The following STK32C variants were observed in gnomAD, a reference collection of about 807,000 sequenced individuals.
The protein encoded by STK32C is serine/threonine-protein kinase 32C.
STK32C carries 31 observed loss-of-function variants against 56.5 expected under a neutral mutation model. The observed-to-expected ratio is 0.55, with a 90% confidence interval of 0.41 to 0.74. STK32C has a LOEUF of 0.74. Among genes scored for constraint, STK32C ranks in the 30% least tolerant of loss-of-function variants. The pLI is 0.00. For missense variants in STK32C, 544 were observed against 676.9 expected (o/e 0.80, Z 2.18); for synonymous variants, 309 against 289.4 (o/e 1.07, Z -0.69).
chr10:132,274,038 C>G (rs114558683), intron 1 of STK32C, among the ~76,000 whole-genome samples: 1,889 of 152,322 alleles, frequency 0.012, 40 homozygotes, highest in African/African-American at 0.044. Flanking sequence ...GGGAGGTGCA[C>G]ATCGACTTAA....
chr10:132,279,690 A>ACT (rs1303542518), intron 1 of STK32C, among the ~76,000 whole-genome samples: 1 of 143,584 alleles, frequency 7.0e-6, no homozygotes, highest in Non-Finnish European at 1.5e-5. Context: ...TGATCACGAC[A>ACT]CTCCACTCCG....
intron 1 of STK32C, among the ~76,000 whole-genome samples, chr10:132,251,172 G>A (rs77904469): frequency 0.027 from 4,048 of 152,302 alleles, 74 homozygotes; most frequent in Middle Eastern, 0.058. Flanking sequence ...AACAGCAGGG[G>A]TGACCCCAGC....
chr10:132,295,307 T>C (rs1564786611), intron 1 of STK32C, among the ~76,000 whole-genome samples: 2 of 152,150 alleles, frequency 1.3e-5, no homozygotes, highest in South Asian at 2.1e-4. Context: ...TGGCCAGTTC[T>C]AGGGCTGGGT....
intron 1 of STK32C, among the ~76,000 whole-genome samples, chr10:132,271,864 G>A (rs1026247625): frequency 1.3e-5 from 2 of 152,240 alleles, no homozygotes; most frequent in African/African-American, 4.8e-5. Context: ...CAGAGCCACG[G>A]CCCTGCCCCT....
At position 132,208,164 on chromosome 10, in the gene STK32C, G is replaced by A. The variant is rs376993699; in HGVS notation, c.1320-13C>T. The A allele has an allele frequency of 1.6e-5, 21 of 1,309,094 alleles. No homozygotes were observed. Among genetic ancestry groups the A allele is most frequent in the Non-Finnish European group, 2.0e-5 (20 of 1,020,812 alleles). The allele number at this position is 1,309,094 out of a possible 1,614,324, so 81.1% of individuals were successfully genotyped here. ...GCTCCTCTTCAGCCTGGGGTGGCAGGAACACATGGAGGGCGTTATGCCCCC... is the reference window on the plus strand; with the variant it reads ...GCTCCTCTTCAGCCTGGGGTGGCAGAAACACATGGAGGGCGTTATGCCCCC... On this transcript the variant is annotated splice_polypyrimidine_tract_variant and intron_variant, in intron 11 of 11. Coordinates refer to ENST00000298630, the MANE Select transcript of STK32C (RefSeq NM_173575.4).
intron 1 of STK32C, among the ~76,000 whole-genome samples, chr10:132,250,903 G>A (rs964546171): frequency 4.6e-5 from 7 of 152,206 alleles, no homozygotes; most frequent in Admixed American, 3.3e-4. Context: ...CTCATGGTGG[G>A]CTCCATGCAG....
chr10:132,314,351 T>A (rs1564800373), intron 1 of STK32C, among the ~76,000 whole-genome samples: 1 of 152,186 alleles, frequency 6.6e-6, no homozygotes, highest in Non-Finnish European at 1.5e-5. Flanking sequence ...TGTGACAGAC[T>A]GAGGGTGGCT....
rs760210921 is a variant in STK32C at position 132,222,894 on chromosome 10, G to A, written c.1086C>T (p.Ser362=). 2.1e-5 allele frequency: 33 copies of A among 1,570,934 alleles called. No homozygotes were observed. Among genetic ancestry groups the A allele is most frequent in the Middle Eastern group, 2.1e-4 (1 of 4,816 alleles). The change falls in exon 9 of 12, where the codon AGC becomes AGT. Residue 362 remains serine, a synonymous_variant. Coordinates refer to ENST00000298630, the MANE Select transcript of STK32C (RefSeq NM_173575.4). ...CGAAGCCCGGCTCCACCCTCTTCTC[G>A]CTCAGGTGGTCCCACAGCACGCCGG... ...ALAGVLWDHL[S]EKRVEPGFVP...
chr10:132,275,949 G>A (rs373054509), intron 1 of STK32C, among the ~76,000 whole-genome samples: 5 of 152,070 alleles, frequency 3.3e-5, no homozygotes, highest in African/African-American at 9.7e-5. Context: ...CCCCCACCCC[G>A]CAAGTGGTGG....
At chr10:132,218,311 C>A (rs1297982480) in intron 10 of STK32C, among the ~76,000 whole-genome samples, 3 of 151,770 alleles carry the variant, frequency 2.0e-5, no homozygotes, top group Non-Finnish European at 4.4e-5. Context: ...AAAGCAAGAC[C>A]CTGTCTCTAA....
upstream of STK32C, among the ~76,000 whole-genome samples, chr10:132,309,242 C>T (rs999017231): frequency 2.6e-5 from 4 of 152,164 alleles, no homozygotes; most frequent in Non-Finnish European, 5.9e-5. Context: ...AATGTGAGCA[C>T]GGGAAGTCTG....
At chr10:132,211,829 C>A (rs2062311303) in intron 10 of STK32C, among the ~76,000 whole-genome samples, 1 of 152,172 alleles carries the variant, frequency 6.6e-6, no homozygotes, top group South Asian at 2.1e-4. Flanking sequence ...AGTCCGAAGC[C>A]ACTCCCCACA....
At chr10:132,246,253 C>G (rs1169331151) in intron 1 of STK32C, among the ~76,000 whole-genome samples, 2 of 152,348 alleles carry the variant, frequency 1.3e-5, no homozygotes, top group African/African-American at 4.8e-5. Context: ...ACACCTGAGT[C>G]CCAGACTCGA....
In STK32C at chr10:132,331,290, G is replaced by A. The variant is rs971732012; in HGVS notation, c.301+146C>T. The A allele has an allele frequency of 1.4e-5, 10 of 737,506 alleles. No individual in the cohort carries two copies. The African/African-American group carries it at 1.4e-4, about 10-fold the overall frequency. The allele number at this position is 737,506 out of a possible 1,614,324, so 45.7% of individuals were successfully genotyped here. On this transcript the variant is annotated intron_variant, in intron 1 of 1. Transcript: ENST00000368619. ...CAGAGTGTTTCTGGGTGGGACAGAGGGTGCTACTTTTCATTATCAGTTGGA... is the reference window on the plus strand; with the variant it reads ...CAGAGTGTTTCTGGGTGGGACAGAGAGTGCTACTTTTCATTATCAGTTGGA...
chr10:132,216,106 C>A (rs2062461722), intron 10 of STK32C, among the ~76,000 whole-genome samples: 1 of 152,186 alleles, frequency 6.6e-6, no homozygotes, highest in East Asian at 1.9e-4. Flanking sequence ...CTGTTAAAGG[C>A]ATTCCATTTT....
At chr10:132,283,294 C>T (rs2065273436) in intron 1 of STK32C, among the ~76,000 whole-genome samples, 1 of 152,234 alleles carries the variant, frequency 6.6e-6, no homozygotes, top group Non-Finnish European at 1.5e-5. Flanking sequence ...GACTGTAACA[C>T]GGGTAAGTTA....
intron 2 of STK32C, among the ~76,000 whole-genome samples, chr10:132,243,261 T>C (rs1312052348): frequency 6.6e-6 from 1 of 152,232 alleles, no homozygotes; most frequent in Non-Finnish European, 1.5e-5. Flanking sequence ...TCCTGGATTC[T>C]GAACAAGCAC....
At chr10:132,326,006 C>A (rs1006125927) in intron 1 of STK32C, among the ~76,000 whole-genome samples, 1 of 152,162 alleles carries the variant, frequency 6.6e-6, no homozygotes, top group Non-Finnish European at 1.5e-5. Flanking sequence ...CAGGCATGAG[C>A]CACCACGCTG....
intron 1 of STK32C, among the ~76,000 whole-genome samples, chr10:132,252,660 C>T (rs1020767034): frequency 6.6e-6 from 1 of 151,954 alleles, no homozygotes; most frequent in Non-Finnish European, 1.5e-5. Flanking sequence ...CGGAGCGGCT[C>T]GGAGCTCCGG....
Sources: gnomAD v4.1 joint callset for allele counts (sites outside exome capture counted in the v4.1 genomes callset) on GRCh38, gnomAD v4.1.1 for gene constraint, MANE v1.5 for transcripts, NCBI Gene and HGNC (gene_info 2026-07-23, HGNC 2026-07-21) for gene names.